The following FHIT variants were observed in gnomAD, a reference collection of about 807,000 sequenced individuals.
The protein encoded by FHIT is bis(5'-adenosyl)-triphosphatase.
FHIT carries 19 observed loss-of-function variants against 17.9 expected under a neutral mutation model. That is an observed-to-expected ratio of 1.06 (90% CI 0.74 to 1.56). The LOEUF (loss-of-function observed/expected upper bound fraction) is 1.56. FHIT is among the 40% of genes most tolerant of loss of function. FHIT has a pLI of 0.00. For missense variants in FHIT, 248 were observed against 189.2 expected (o/e 1.31, Z -1.82); for synonymous variants, 81 against 69.7 (o/e 1.16, Z -0.81).
intron 4 of FHIT, among the ~76,000 whole-genome samples, chr3:60,757,346 C>A (rs1699469530): frequency 6.6e-6 from 1 of 152,156 alleles, no homozygotes; most frequent in Non-Finnish European, 1.5e-5. Context: ...GTTTTGTTTA[C>A]AGTTCAGATT....
At chr3:61,175,268 G>A (rs1355858913) in intron 2 of FHIT, among the ~76,000 whole-genome samples, 2 of 152,062 alleles carry the variant, frequency 1.3e-5, no homozygotes, top group Non-Finnish European at 2.9e-5. Flanking sequence ...ATTCTCTCCT[G>A]AAGAAATACC....
intron 5 of FHIT, among the ~76,000 whole-genome samples, chr3:60,419,844 T>C (rs1702403915): frequency 6.6e-6 from 1 of 152,156 alleles, no homozygotes; most frequent in Admixed American, 6.6e-5. Context: ...CATAATATCA[T>C]CTATACTTTT....
rs140634778 is a variant in FHIT, at chr3:60,140,394, C to T, written c.104-126242G>A. 3.2e-3 allele frequency among the ~76,000 whole-genome samples: 483 copies of T among 152,010 alleles called. 5 individuals carry two copies. Among genetic ancestry groups the T allele is most frequent in the Admixed American group, 7.8e-3 (119 of 15,268 alleles). ...CATGGCTGGATCAATGAAAGTTCTC[C>T]GTGGGATTCTTGATATGAGCAACTT... On this transcript the variant is annotated intron_variant, in intron 5 of 9. Coordinates refer to ENST00000492590, the MANE Select transcript of FHIT (RefSeq NM_002012.4).
chr3:61,209,663 C>G (rs147513249), intron 1 of FHIT, among the ~76,000 whole-genome samples: 119 of 152,338 alleles, frequency 7.8e-4, no homozygotes, highest in African/African-American at 2.7e-3. Context: ...TCAGCTCCAT[C>G]AAGTCCTTTA....
intron 8 of FHIT, among the ~76,000 whole-genome samples, chr3:59,810,747 G>T (rs536968962): frequency 6.6e-6 from 1 of 152,204 alleles, no homozygotes; most frequent in East Asian, 1.9e-4. Context: ...AAGGTCAACA[G>T]CACTATCGAA....
chr3:61,085,275 G>A (rs1318899143), intron 2 of FHIT, among the ~76,000 whole-genome samples: 1 of 152,052 alleles, frequency 6.6e-6, no homozygotes, highest in African/African-American at 2.4e-5. Flanking sequence ...TTTATTTAAA[G>A]GTTACAGTTT....
chr3:61,102,865 T>A (rs1044009341), intron 2 of FHIT, among the ~76,000 whole-genome samples: 30 of 152,210 alleles, frequency 2.0e-4, no homozygotes, highest in Non-Finnish European at 3.1e-4. Context: ...TACTCTCTGA[T>A]GGTAGTTTGT....
At chr3:59,906,333 G>A (rs1393406025) in intron 8 of FHIT, among the ~76,000 whole-genome samples, 3 of 152,134 alleles carry the variant, frequency 2.0e-5, no homozygotes, top group African/African-American at 7.2e-5. Flanking sequence ...GCTTCTTAAT[G>A]TGGCCCTTAA....
At chr3:60,869,641 G>A (rs1306958041) in intron 3 of FHIT, among the ~76,000 whole-genome samples, 1 of 152,118 alleles carries the variant, frequency 6.6e-6, no homozygotes, top group Admixed American at 6.6e-5. Context: ...GAGCCATGTA[G>A]TAGCCAAATA....
intron 2 of FHIT, among the ~76,000 whole-genome samples, chr3:61,054,958 T>C (rs537065062): frequency 1.3e-5 from 2 of 152,302 alleles, no homozygotes; most frequent in African/African-American, 4.8e-5. Flanking sequence ...CACTCATCCT[T>C]GGGGTTTCAG....
intron 5 of FHIT, among the ~76,000 whole-genome samples, chr3:60,386,891 A>G (rs904433820): frequency 1.3e-5 from 2 of 152,196 alleles, no homozygotes; most frequent in Non-Finnish European, 2.9e-5. Context: ...CAGAGTGGAC[A>G]AGCAACTGGT....
chr3:59,933,816 C>T (rs563784950), intron 7 of FHIT, among the ~76,000 whole-genome samples: 2 of 152,076 alleles, frequency 1.3e-5, no homozygotes, highest in East Asian at 1.9e-4. Flanking sequence ...TATTTCTGCT[C>T]ATTCTAACTA....
intron 2 of FHIT, among the ~76,000 whole-genome samples, chr3:61,085,125 T>C (rs2035265510): frequency 2.0e-5 from 3 of 152,174 alleles, no homozygotes; most frequent in South Asian, 2.1e-4. Context: ...AATGTAGACA[T>C]ACATTTCATT....
intron 7 of FHIT, among the ~76,000 whole-genome samples, chr3:59,948,274 G>A (rs1706927471): frequency 6.6e-6 from 1 of 151,130 alleles, no homozygotes; most frequent in Non-Finnish European, 1.5e-5. Flanking sequence ...GGAGGCCAAC[G>A]TGGGTAGATC....
chr3:60,718,351 T>G (rs1260619029), intron 4 of FHIT, among the ~76,000 whole-genome samples: 1 of 152,062 alleles, frequency 6.6e-6, no homozygotes, highest in Non-Finnish European at 1.5e-5. Context: ...TGAAACAGAG[T>G]GGGCAGGAAC....
intron 5 of FHIT, among the ~76,000 whole-genome samples, chr3:60,517,255 G>A (rs1312096490): frequency 2.6e-5 from 4 of 152,152 alleles, no homozygotes; most frequent in African/African-American, 7.2e-5. Flanking sequence ...TTCAGGAGGT[G>A]ATTTGAGAAC....
At chr3:60,620,980 T>C (rs2107752361) in intron 4 of FHIT, among the ~76,000 whole-genome samples, 1 of 152,214 alleles carries the variant, frequency 6.6e-6, no homozygotes, top group South Asian at 2.1e-4. Context: ...TATTGATTTC[T>C]TAAAACCAAA....
At position 61,133,199 on chromosome 3, in the gene FHIT, T is replaced by C. The variant is rs550532367; in HGVS notation, c.-164+67418A>G. ...CACATTGGACTTTTCCTCCACAGCA[T>C]TGACCTCAGTTTATAATGCTATATT... On this transcript the variant is annotated intron_variant, in intron 2 of 9. Transcript: ENST00000492590. 7.9e-5 allele frequency among the ~76,000 whole-genome samples: 12 copies of C among 152,124 alleles called. No individual in the cohort carries two copies. In the South Asian group the frequency reaches 2.5e-3, roughly 32 times the overall value.
At chr3:60,500,369 A>G (rs13092255) in intron 5 of FHIT, among the ~76,000 whole-genome samples, 9 of 152,328 alleles carry the variant, frequency 5.9e-5, no homozygotes, top group South Asian at 2.1e-4. Context: ...TTGCTTTTAA[A>G]GGAGTTCTGG....
Sources: gnomAD v4.1 joint callset for allele counts (sites outside exome capture counted in the v4.1 genomes callset) on GRCh38, gnomAD v4.1.1 for gene constraint, MANE v1.5 for transcripts, NCBI Gene and HGNC (gene_info 2026-07-23, HGNC 2026-07-21) for gene names.